EIF5B: variants seen among roughly 807,000 people sequenced by gnomAD.
EIF5B encodes eIF-5B.
EIF5B carries 47 observed loss-of-function variants against 147.5 expected under a neutral mutation model. That is an observed-to-expected ratio of 0.32 (90% CI 0.25 to 0.41). The LOEUF (loss-of-function observed/expected upper bound fraction) is 0.41, where lower values mean the gene tolerates loss of function less well. EIF5B is among the 10% of genes least tolerant of loss of function. The pLI is 1.00. For missense variants in EIF5B, 1,064 were observed against 1,413.2 expected, an observed-to-expected ratio of 0.75 and a Z score of 3.96; for synonymous variants, 455 against 456.2, an observed-to-expected ratio of 1.00 and a Z score of 0.03.
chr2:99,387,351 G>A (rs192943111), intron 14 of EIF5B, among the ~76,000 whole-genome samples: 113 of 152,116 alleles, frequency 7.4e-4, no homozygotes, highest in African/African-American at 2.7e-3. Context: ...TTTATATAGT[G>A]TGAGGTCAGG....
At chr2:99,362,180 A>G (rs1232723419) in intron 4 of EIF5B, among the ~76,000 whole-genome samples, 1 of 152,206 alleles carries the variant, frequency 6.6e-6, no homozygotes, top group Non-Finnish European at 1.5e-5. Context: ...CCTGTCTTTA[A>G]AAACCTAGTT....
At chr2:99,361,920 A>C (rs1194000982) in intron 4 of EIF5B, 100 bp downstream of exon 4, 2 of 1,121,256 alleles carry the variant, frequency 1.8e-6, no homozygotes, top group Non-Finnish European at 2.4e-6. Flanking sequence ...GTCCATGGGT[A>C]TAAAGACACT....
At chr2:99,384,565 G>A (rs961333463) in intron 14 of EIF5B, among the ~76,000 whole-genome samples, 4 of 152,196 alleles carry the variant, frequency 2.6e-5, no homozygotes, top group African/African-American at 9.7e-5. Context: ...TTGGGCAAAA[G>A]TTGAAAACCT....
At chr2:99,342,849 G>A (rs2094263361) in intron 1 of EIF5B, among the ~76,000 whole-genome samples, 1 of 152,014 alleles carries the variant, frequency 6.6e-6, no homozygotes, top group Admixed American at 6.6e-5. Context: ...ACCTAGGCTG[G>A]TCTTCAGCTC....
intron 1 of EIF5B, among the ~76,000 whole-genome samples, chr2:99,338,937 T>TATATAC (rs1491555384): frequency 7.4e-6 from 1 of 134,692 alleles, no homozygotes; most frequent in African/African-American, 2.7e-5. Flanking sequence ...TATATATATA[T>TATATAC]ACAAATATAT....
chr2:99,337,425 G>GGA lies in EIF5B; in HGVS notation c.-126_-125dup. The GGA allele has an allele frequency of 8.5e-7, 1 of 1,178,630 alleles. No homozygotes were observed. Among genetic ancestry groups the GGA allele is most frequent in the Non-Finnish European group, 1.2e-6 (1 of 808,804 alleles). The allele number at this position is 1,178,630 out of a possible 1,614,324, so 73.0% of individuals were successfully genotyped here. ...GTCCTGTTCCAGTGCGCGGGTCTGT[G>GGA]GAGAGCCGGGTGCGAGCGGCGGCAG... On this transcript the variant is annotated 5_prime_UTR_variant, in exon 1 of 24. It removes the in-frame stop codon of an upstream open reading frame in the 5' UTR. Transcript: ENST00000289371.
At chr2:99,372,397 G>C (rs1170402116) in intron 9 of EIF5B, among the ~76,000 whole-genome samples, 1 of 152,118 alleles carries the variant, frequency 6.6e-6, no homozygotes, top group Non-Finnish European at 1.5e-5. Context: ...GGAGTGCAGT[G>C]GCGCAATCTC....
At position 99,362,149 on chromosome 2, in the gene EIF5B, C is replaced by T. The variant is rs140722297; in HGVS notation, c.919+329C>T. On this transcript the variant is annotated intron_variant, in intron 4 of 23. Coordinates refer to ENST00000289371, the MANE Select transcript of EIF5B (RefSeq NM_015904.4). ...TTCTTCCTTTCTGATAACTCAGTGT[C>T]AGATAATATTTGAATTCTTTCCTGT... Among the ~76,000 whole-genome samples, 18 of 152,208 alleles carry T rather than the reference C, an allele frequency of 1.2e-4. 1 individual carries two copies. In the East Asian group the frequency reaches 3.3e-3, roughly 28 times the overall value.
rs200683998 is a variant in EIF5B, at chr2:99,379,365, A to G, written c.1998A>G (p.Gln666=). 5.5e-5 allele frequency: 89 copies of G among 1,613,782 alleles called. 1 individual carries two copies. The East Asian group carries it at 1.8e-3, about 34-fold the overall frequency. Residue 666 remains glutamine (Q), a synonymous_variant, in exon 12 of 24, where the codon CAA becomes CAG. Transcript: ENST00000289371. ...VQDGEAGGIT[Q]QIGATNVPLE... ...ATGGTGAAGCAGGTGGTATCACACA[A>G]CAAATTGGGGCCACCAATGTTCCTC...
At chr2:99,360,893 AAAGT>A (rs1345498999) in intron 3 of EIF5B, among the ~76,000 whole-genome samples, 1 of 152,188 alleles carries the variant, frequency 6.6e-6, no homozygotes, top group Non-Finnish European at 1.5e-5. Flanking sequence ...TAGGCTTTGT[AAAGT>A]TAGTAAATGG....
At position 99,371,714 on chromosome 2, in the gene EIF5B, T is replaced by A; in HGVS notation, c.1536T>A (p.Asp512Glu). Residue 512 changes from aspartate to glutamate, a missense_variant, in exon 9 of 24, where the codon GAT (aspartate) becomes GAA (glutamate). Asp to Glu is a conservative substitution (Grantham distance 45). Transcript: ENST00000289371. ...ATGATTGGGAAGCTATGGCCAGTGA[T>A]GAGGAGACAGAAAAAGGTGAATACC... Reference protein sequence around the residue: ...GLDDWEAMASDEETEKVEGNK... With the variant: ...GLDDWEAMASEEETEKVEGNK... 1 of 1,612,988 alleles carries A rather than the reference T, an allele frequency of 6.2e-7. No individual in the cohort carries two copies. Among genetic ancestry groups the A allele is most frequent in the East Asian group, 2.2e-5 (1 of 44,788 alleles).
At chr2:99,395,410 C>A (rs1675022397) in intron 21 of EIF5B, among the ~76,000 whole-genome samples, 1 of 152,314 alleles carries the variant, frequency 6.6e-6, no homozygotes, top group African/African-American at 2.4e-5. Context: ...CATGGGTCAC[C>A]CCAACCTCTG....
intron 1 of EIF5B, among the ~76,000 whole-genome samples, chr2:99,352,132 G>A (rs1673979011): frequency 6.6e-6 from 1 of 152,064 alleles, no homozygotes; most frequent in Admixed American, 6.6e-5. Context: ...TTTCTTTGTA[G>A]GCAAATCCTT....
chr2:99,384,919 A>T (rs961435313), intron 14 of EIF5B, among the ~76,000 whole-genome samples: 2 of 152,218 alleles, frequency 1.3e-5, no homozygotes, highest in Non-Finnish European at 2.9e-5. Flanking sequence ...GAAATGACAA[A>T]AAAGAATTTA....
At position 99,396,826 on chromosome 2, in the gene EIF5B, G is replaced by A. The variant is rs755480696; in HGVS notation, c.3321G>A (p.Pro1107=). 1.2e-4 allele frequency: 187 copies of A among 1,613,552 alleles called. No homozygotes were observed. The highest frequency in any genetic ancestry group is 1.5e-4 in the Non-Finnish European group (175 of 1,179,858). The part of the protein sequence containing the change: ...LPQYIFNSRD[P]IVMGVTVEAG... ...AGTACATTTTTAATTCTCGAGATCC[G>A]ATAGTGATGGGGGTGACGGTGGAAG... The change falls in exon 22 of 24, where the codon CCG becomes CCA. Residue 1107 remains proline (P), a synonymous_variant. Transcript: ENST00000289371.
chr2:99,380,234 T>C (rs1674660341), intron 12 of EIF5B, among the ~76,000 whole-genome samples: 1 of 152,152 alleles, frequency 6.6e-6, no homozygotes, highest in Non-Finnish European at 1.5e-5. Flanking sequence ...TTGCCCTTCA[T>C]AGAGACAGGG....
At chr2:99,343,042 C>A (rs2094263903) in intron 1 of EIF5B, among the ~76,000 whole-genome samples, 1 of 151,118 alleles carries the variant, frequency 6.6e-6, no homozygotes, top group African/African-American at 2.4e-5. Context: ...CTCACTGCAA[C>A]CTCTGCCTCC....
At chr2:99,363,430 A>G (rs894223383) in intron 4 of EIF5B, among the ~76,000 whole-genome samples, 2 of 152,190 alleles carry the variant, frequency 1.3e-5, no homozygotes, top group Non-Finnish European at 2.9e-5. Context: ...GACCAACATC[A>G]GTATTGCAGA....
In EIF5B at chr2:99,369,479, C is replaced by A. The variant is rs1674397748; in HGVS notation, c.1475C>A (p.Pro492Gln). 5.0e-6 allele frequency: 8 copies of A among 1,607,526 alleles called. No homozygotes were observed. The highest frequency in any genetic ancestry group is 1.1e-5 in the South Asian group (1 of 90,734). Residue 492 changes from proline (P) to glutamine (Q), a missense_variant and splice_region_variant, in exon 8 of 24, where the codon CCA (proline) becomes CAA (glutamine). Pro to Gln is a moderately conservative substitution (Grantham distance 76, BLOSUM62 -1). Coordinates refer to ENST00000289371, the MANE Select transcript of EIF5B (RefSeq NM_015904.4). ...GAAGAGACACCACCTCCTGTTGAACCAGGCGGGTAGTGTTATCTGATTATT... is the reference window on the plus strand; with the variant it reads ...GAAGAGACACCACCTCCTGTTGAACAAGGCGGGTAGTGTTATCTGATTATT... ...EKEETPPPVE[P>Q]EEEEDTEDAG...
Sources: gnomAD v4.1 joint callset for allele counts (sites outside exome capture counted in the v4.1 genomes callset) on GRCh38, gnomAD v4.1.1 for gene constraint, MANE v1.5 for transcripts, NCBI Gene and HGNC (gene_info 2026-07-23, HGNC 2026-07-21) for gene names.